Variants in LPO observed in about 807,000 individuals in gnomAD.
LPO encodes salivary peroxidase.
In LPO, 70 loss-of-function variants were observed where a neutral mutation model predicts 68.4. The observed-to-expected ratio is 1.02, with a 90% CI of 0.84 to 1.25. The LOEUF (loss-of-function observed/expected upper bound fraction) is 1.25, where lower values mean the gene tolerates loss of function less well. LPO is among the 50% of genes most tolerant of loss of function. The probability of loss-of-function intolerance (pLI) is 0.00; values close to 1 mark genes in which losing one functional copy is unlikely to be tolerated. For synonymous variants in LPO, 360 were observed against 357.6 expected, an observed-to-expected ratio of 1.01 and a Z score of -0.08; for missense variants, 873 against 908.4, an observed-to-expected ratio of 0.96 and a Z score of 0.50.
intron 7 of LPO, 132 bp downstream of exon 7, chr17:58,250,753 G>A: frequency 1.2e-6 from 1 of 867,258 alleles, no homozygotes; most frequent in South Asian, 1.6e-5. Flanking sequence ...TGCCTCACGT[G>A]TCCATTCGTT....
At chr17:58,256,990 C>CTTTTTTTTTT (rs1040765289) in intron 9 of LPO, among the ~76,000 whole-genome samples, 6 of 75,060 alleles carry the variant, frequency 8.0e-5, no homozygotes, top group Non-Finnish European at 1.2e-4. Context: ...AGGTCTTACT[C>CTTTTTTTTTT]TTTTTTTTTT....
Position 58,250,452 on chromosome 17 carries a change from A to G in LPO, c.611A>G (p.Asn204Ser). Residue 204 changes from asparagine to serine, a missense_variant, in exon 7 of 13, where the codon AAT becomes AGT. Transcript: ENST00000262290. The stretch of plus-strand genomic sequence containing the variant: ...TCTAACAAGATTGTTGGCTATCTGA[A>G]TGAGGAGGGTGTTCTGGACCAAAAC... Reference protein sequence around the residue: ...EVSNKIVGYLNEEGVLDQNRS... With the variant: ...EVSNKIVGYLSEEGVLDQNRS... 6.2e-7 allele frequency: 1 copy of G among 1,614,130 alleles called. No homozygotes were observed. The highest frequency in any genetic ancestry group is 8.5e-7 in the Non-Finnish European group (1 of 1,180,008).
At chr17:58,253,022 C>CAAAAA (rs765890765) in intron 8 of LPO, among the ~76,000 whole-genome samples, 32 of 31,058 alleles carry the variant, frequency 1.0e-3, no homozygotes, top group East Asian at 3.5e-3. Flanking sequence ...GACTCCATCT[C>CAAAAA]AAAAAAAAAA....
In LPO at chr17:58,250,508, A is replaced by G; in HGVS notation, c.667A>G (p.Ile223Val). ...RSLLFMQWGQ[I>V]VDHDLDFAPD... Reference sequence around the variant, plus strand: ...CCTGCTCTTCATGCAGTGGGGTCAGATTGTGGATCATGACCTGGACTTTGC... The same window carrying G: ...CCTGCTCTTCATGCAGTGGGGTCAGGTTGTGGATCATGACCTGGACTTTGC... Residue 223 changes from isoleucine to valine, a missense_variant, in exon 7 of 13, where the codon ATT becomes GTT. Ile to Val is a conservative substitution (Grantham distance 29). Transcript: ENST00000262290. 1 of 1,614,082 alleles carries G rather than the reference A, an allele frequency of 6.2e-7. No homozygotes were observed. The highest frequency in any genetic ancestry group is 1.1e-5 in the South Asian group (1 of 91,082).
intron 1 of LPO, among the ~76,000 whole-genome samples, chr17:58,242,539 G>C (rs563018736): frequency 2.3e-4 from 35 of 152,342 alleles, no homozygotes; most frequent in South Asian, 2.3e-3. Context: ...GCAGGCTCCA[G>C]CCTTGGTAAC....
At chr17:58,258,099 T>TA (rs1243450585) in intron 9 of LPO, among the ~76,000 whole-genome samples, 1 of 152,242 alleles carries the variant, frequency 6.6e-6, no homozygotes, top group Non-Finnish European at 1.5e-5. Flanking sequence ...GGTTATCTCT[T>TA]CACTTTGTTG....
chr17:58,264,939 C>T lies in LPO; in HGVS notation c.1484C>T (p.Thr495Ile), dbSNP rs1970234927. 1 of 1,614,236 alleles carries T rather than the reference C, an allele frequency of 6.2e-7. No homozygotes were observed. Among genetic ancestry groups the T allele is most frequent in the East Asian group, 2.2e-5 (1 of 44,884 alleles). Residue 495 changes from threonine to isoleucine, a missense_variant, in exon 10 of 13, where the codon ACC becomes ATC. Physicochemically the swap from Thr to Ile is moderately conservative, Grantham distance 89. Transcript: ENST00000262290. ...CCAGAACCAGAACTCCCCCTCCACA[C>T]CCTCTTCTTCAACACTTGGAGGATG... ...WGPEPELPLH[T>I]LFFNTWRMVK...
intron 4 of LPO, 45 bp downstream of exon 4, chr17:58,247,683 C>T: frequency 6.3e-7 from 1 of 1,593,580 alleles, no homozygotes; most frequent in South Asian, 1.1e-5. Context: ...GGGGTCATCT[C>T]CCCACAGGAG....
At chr17:58,256,990 C>CTTTTT (rs1040765289) in intron 9 of LPO, among the ~76,000 whole-genome samples, 65 of 75,050 alleles carry the variant, frequency 8.7e-4, no homozygotes, top group African/African-American at 1.1e-3. Flanking sequence ...AGGTCTTACT[C>CTTTTT]TTTTTTTTTT....
At chr17:58,244,967 T>G (rs1448244304) in intron 3 of LPO, among the ~76,000 whole-genome samples, 1 of 151,444 alleles carries the variant, frequency 6.6e-6, no homozygotes, top group Non-Finnish European at 1.5e-5. Flanking sequence ...AGAAAAAAAG[T>G]AACCTTATTC....
At chr17:58,264,350 T>G (rs1970221452) in intron 9 of LPO, among the ~76,000 whole-genome samples, 1 of 152,206 alleles carries the variant, frequency 6.6e-6, no homozygotes, top group African/African-American at 2.4e-5. Context: ...GAATCATTCC[T>G]GTGGTTTATC....
intron 3 of LPO, among the ~76,000 whole-genome samples, chr17:58,245,862 G>A (rs1390648944): frequency 6.6e-6 from 1 of 152,106 alleles, no homozygotes; most frequent in South Asian, 2.1e-4. Flanking sequence ...CCACAAAACC[G>A]GTGTTCATAC....
intron 1 of LPO, among the ~76,000 whole-genome samples, chr17:58,240,090 G>A (rs774420995): frequency 3.3e-5 from 5 of 152,232 alleles, no homozygotes; most frequent in South Asian, 2.1e-4. Flanking sequence ...AATACTGTGG[G>A]AGGACAGAAA....
In LPO at chr17:58,252,341, C is replaced by G. The variant is rs1969975268; in HGVS notation, c.940C>G (p.Pro314Ala). ...TGCCAGCTTTGTGTACAGCTCCGAGCCAAGCCTGGCCAGCCGCCTCCGCAA... is the reference window on the plus strand; with the variant it reads ...TGCCAGCTTTGTGTACAGCTCCGAGGCAAGCCTGGCCAGCCGCCTCCGCAA... ...LDASFVYSSE[P>A]SLASRLRNLS... Residue 314 changes from proline (P) to alanine (A), a missense_variant, in exon 8 of 13, where the codon CCA (proline) becomes GCA (alanine). Physicochemically the swap from Pro to Ala is conservative, Grantham distance 27. Transcript: ENST00000262290. The G allele has an allele frequency of 6.2e-7, 1 of 1,614,108 alleles. No homozygotes were observed. Among genetic ancestry groups the G allele is most frequent in the South Asian group, 1.1e-5 (1 of 91,088 alleles).
At chr17:58,244,463 C>T (rs554558695) in intron 3 of LPO, 19 of 216,440 alleles carry the variant, frequency 8.8e-5, no homozygotes, top group South Asian at 8.6e-4. Flanking sequence ...AAGCCGAATC[C>T]GAGCCCTGCA....
intron 8 of LPO, chr17:58,254,585 A>G: frequency 2.3e-6 from 1 of 435,900 alleles, no homozygotes. Flanking sequence ...GTGTTAAGTA[A>G]CTTGTCCAAG....
At chr17:58,258,481 A>T (rs8178364) in intron 9 of LPO, among the ~76,000 whole-genome samples, 2,217 of 152,206 alleles carry the variant, frequency 0.015, 45 homozygotes, top group African/African-American at 0.049. Flanking sequence ...TGGGTTCTCT[A>T]TTCTGTTACA....
At position 58,267,794 on chromosome 17, in the gene LPO, T is replaced by C. The variant is rs1333738443; in HGVS notation, c.1939T>C (p.Trp647Arg). The C allele has an allele frequency of 3.7e-6, 6 of 1,613,914 alleles. No individual in the cohort carries two copies. Among genetic ancestry groups the C allele is most frequent in the Non-Finnish European group, 5.1e-6 (6 of 1,179,956 alleles). ...QQIRDGDRFW[W>R]ENPGVFTNEQ... ...CTACTTCTGTCTCTGCAGGTTCTGG[T>C]GGGAAAACCCTGGGGTCTTCACGAA... Residue 647 changes from tryptophan to arginine, a missense_variant, in exon 13 of 13, where the codon TGG becomes CGG. Transcript: ENST00000262290.
At chr17:58,243,289 C>G in intron 2 of LPO, 1 of 504,526 alleles carries the variant, frequency 2.0e-6, no homozygotes, top group South Asian at 2.3e-5. Context: ...AGCTGCAACA[C>G]TCCAATCTCT....
Sources: gnomAD v4.1 joint callset for allele counts (sites outside exome capture counted in the v4.1 genomes callset) on GRCh38, gnomAD v4.1.1 for gene constraint, MANE v1.5 for transcripts, NCBI Gene and HGNC (gene_info 2026-07-23, HGNC 2026-07-21) for gene names.